The following FAM120B variants were observed in gnomAD, a reference collection of about 807,000 sequenced individuals.
FAM120B encodes the protein constitutive coactivator of peroxisome proliferator-activated receptor gamma.
A neutral mutation model predicts 96.3 loss-of-function variants in FAM120B; 83 were observed. That is an observed-to-expected ratio of 0.86 (90% confidence interval 0.72 to 1.03). The LOEUF (loss-of-function observed/expected upper bound fraction) is 1.03, where lower values mean the gene tolerates loss of function less well. Among genes scored for constraint, FAM120B ranks in the 50% least tolerant of loss-of-function variants. The probability of loss-of-function intolerance (pLI) is 0.00; values close to 1 mark genes in which losing one functional copy is unlikely to be tolerated. For synonymous variants in FAM120B, 407 were observed against 402.7 expected, an observed-to-expected ratio of 1.01 and a Z score of -0.13; for missense variants, 1,027 against 1,121.2, an observed-to-expected ratio of 0.92 and a Z score of 1.20.
At chr6:170,393,072 C>G (rs9460132) in intron 8 of FAM120B, among the ~76,000 whole-genome samples, 19,017 of 146,434 alleles carry the variant, frequency 0.13, 1,371 homozygotes, top group African/African-American at 0.21. Context: ...AGCACTTTGG[C>G]AGGCTGAGGT....
At chr6:170,339,453 A>C (rs1343337728) in intron 4 of FAM120B, among the ~76,000 whole-genome samples, 1 of 152,178 alleles carries the variant, frequency 6.6e-6, no homozygotes, top group Non-Finnish European at 1.5e-5. Context: ...CAATTTAAAA[A>C]AAAAAGAGGG....
Position 170,318,269 on chromosome 6 carries a change from C to T in FAM120B, c.879C>T (p.Asn293=), listed in dbSNP as rs1303344907. ...KLEEILPLGP[N]KALFYKGMAS... is the part of the protein sequence containing the mutation. ...AAGAGATATTACCTCTGGGACCAAA[C>T]AAAGCTCTTTTTTATAAAGGAATGG... Residue 293 remains asparagine (N), a synonymous_variant, in exon 2 of 11, where the codon AAC becomes AAT. Coordinates refer to ENST00000476287, the MANE Select transcript of FAM120B (RefSeq NM_032448.3). 2 of 1,614,058 alleles carry T rather than the reference C, an allele frequency of 1.2e-6. No homozygotes were observed. Among genetic ancestry groups the T allele is most frequent in the Non-Finnish European group, 1.7e-6 (2 of 1,179,994 alleles).
upstream of FAM120B, among the ~76,000 whole-genome samples, chr6:170,305,478 T>C (rs560197526): frequency 6.6e-6 from 1 of 152,342 alleles, no homozygotes; most frequent in Admixed American, 6.5e-5. Flanking sequence ...GTTTTCTGAG[T>C]ACCTGATCAA....
At chr6:170,400,944 C>T (rs1428348833) in intron 9 of FAM120B, among the ~76,000 whole-genome samples, 2 of 152,104 alleles carry the variant, frequency 1.3e-5, no homozygotes, top group Admixed American at 6.5e-5. Flanking sequence ...TTTCATGTGA[C>T]GACAGAGACT....
chr6:170,318,037 G>A lies in FAM120B; in HGVS notation c.647G>A (p.Gly216Asp), dbSNP rs1204150440. 1 of 1,614,028 alleles carries A rather than the reference G, an allele frequency of 6.2e-7. No individual in the cohort carries two copies. Among genetic ancestry groups the A allele is most frequent in the Non-Finnish European group, 8.5e-7 (1 of 1,180,008 alleles). Reference protein sequence around the residue: ...LCREKLCESLGLCVADLPLLA... With the variant: ...LCREKLCESLDLCVADLPLLA... Reference sequence around the variant, plus strand: ...AGAGAGAAGCTCTGTGAGAGTCTGGGCCTCTGTGTGGCCGACCTTCCTCTT... The same window carrying A: ...AGAGAGAAGCTCTGTGAGAGTCTGGACCTCTGTGTGGCCGACCTTCCTCTT... Residue 216 changes from glycine (G) to aspartate (D), a missense_variant, in exon 2 of 11, where the codon GGC becomes GAC. By Grantham distance (94) the Gly-to-Asp change is moderately conservative (BLOSUM62 -1). Transcript: ENST00000476287.
intron 6 of FAM120B, among the ~76,000 whole-genome samples, chr6:170,376,465 T>C (rs1399667416): frequency 7.4e-6 from 1 of 135,722 alleles, no homozygotes; most frequent in African/African-American, 2.8e-5. Context: ...GAGATCATAG[T>C]GTCGAGGAAC....
At chr6:170,400,901 C>T (rs952477329) in intron 9 of FAM120B, among the ~76,000 whole-genome samples, 2 of 152,106 alleles carry the variant, frequency 1.3e-5, no homozygotes, top group Non-Finnish European at 2.9e-5. Context: ...AGGTCAAGTG[C>T]CAGGAAGGAT....
intron 9 of FAM120B, among the ~76,000 whole-genome samples, chr6:170,402,852 G>C (rs1778658264): frequency 6.6e-6 from 1 of 152,162 alleles, no homozygotes; most frequent in Middle Eastern, 3.2e-3. Context: ...TCAGCAGCTG[G>C]AGCCTAACAC....
intron 4 of FAM120B, among the ~76,000 whole-genome samples, chr6:170,335,181 A>ATTTG (rs1387799773): frequency 2.0e-5 from 3 of 151,280 alleles, no homozygotes; most frequent in Admixed American, 6.6e-5. Flanking sequence ...TGCATTAGGT[A>ATTTG]TTTGTCCTAA....
chr6:170,296,728 C>T (rs949306486), intron 1 of FAM120B, among the ~76,000 whole-genome samples: 43 of 152,194 alleles, frequency 2.8e-4, no homozygotes, highest in African/African-American at 1.0e-3. Context: ...CGGATCCCGA[C>T]GCCAGGAGGT....
rs1028622384 is a variant in FAM120B, at chr6:170,322,335, A to G, written c.1735-744A>G. On this transcript the variant is annotated intron_variant, in intron 2 of 10. Transcript: ENST00000476287. ...AGCTGCGTTACAGGGAAAATAGGAT[A>G]TGAGCTCCATAAGGCAAGCTGGATG... Among the ~76,000 whole-genome samples, 3 of 152,338 alleles carry G rather than the reference A, an allele frequency of 2.0e-5. No individual in the cohort carries two copies. In the South Asian group the frequency reaches 6.2e-4, roughly 32 times the overall value.
chr6:170,353,639 G>C (rs758558255), intron 5 of FAM120B, among the ~76,000 whole-genome samples: 1 of 151,722 alleles, frequency 6.6e-6, no homozygotes, highest in Non-Finnish European at 1.5e-5. Context: ...CCAACAACAG[G>C]AAAGCAAATC....
rs539040524 is a variant in FAM120B at position 170,340,471 on chromosome 6, A to G, written c.2018-7680A>G. The stretch of plus-strand genomic sequence containing the variant: ...AGCTCAGAGGAGTTTGTTATTACCC[A>G]TCTTCTGAAGCCTAGTTCTGTCAGT... On this transcript the variant is annotated intron_variant, in intron 4 of 10. Coordinates refer to ENST00000476287, the MANE Select transcript of FAM120B (RefSeq NM_032448.3). Among the ~76,000 whole-genome samples, 5 of 152,314 alleles carry G rather than the reference A, an allele frequency of 3.3e-5. No homozygotes were observed. The East Asian group carries it at 9.7e-4, about 29-fold the overall frequency.
intron 1 of FAM120B, among the ~76,000 whole-genome samples, chr6:170,311,569 C>T (rs987803878): frequency 6.6e-6 from 1 of 152,202 alleles, no homozygotes; most frequent in Non-Finnish European, 1.5e-5. Flanking sequence ...GCCTTGAGTA[C>T]CCTCTCCTCA....
chr6:170,374,557 A>G (rs1041954793), intron 6 of FAM120B, among the ~76,000 whole-genome samples: 1 of 152,224 alleles, frequency 6.6e-6, no homozygotes, highest in Admixed American at 6.5e-5. Flanking sequence ...TCTTTCACTG[A>G]AAAACTTACC....
intron 5 of FAM120B, among the ~76,000 whole-genome samples, chr6:170,353,107 T>C (rs560364531): frequency 6.6e-6 from 1 of 152,298 alleles, no homozygotes; most frequent in South Asian, 2.1e-4. Flanking sequence ...TCTGTGCACA[T>C]AAACTAGAAA....
intron 4 of FAM120B, among the ~76,000 whole-genome samples, chr6:170,342,243 C>T (rs1469276197): frequency 6.6e-6 from 1 of 152,132 alleles, no homozygotes; most frequent in Non-Finnish European, 1.5e-5. Flanking sequence ...TAAATACTCA[C>T]TTAAATTGAA....
At chr6:170,321,182 C>G (rs1785263395) in intron 2 of FAM120B, among the ~76,000 whole-genome samples, 1 of 152,186 alleles carries the variant, frequency 6.6e-6, no homozygotes, top group South Asian at 2.1e-4. Flanking sequence ...TTACATTGCC[C>G]TTACATTTTC....
At chr6:170,306,192 T>C (rs1390964655), upstream of FAM120B, among the ~76,000 whole-genome samples, 4 of 152,178 alleles carry the variant, frequency 2.6e-5, no homozygotes, top group Non-Finnish European at 4.4e-5. Flanking sequence ...CAGCGCTGAC[T>C]GGGGCCGCGC....
Sources: gnomAD v4.1 joint callset for allele counts (sites outside exome capture counted in the v4.1 genomes callset) on GRCh38, gnomAD v4.1.1 for gene constraint, MANE v1.5 for transcripts, NCBI Gene and HGNC (gene_info 2026-07-23, HGNC 2026-07-21) for gene names.